GDPD3: variants seen among roughly 807,000 people sequenced by gnomAD.
GDPD3 encodes the protein lysophospholipase D GDPD3.
In GDPD3, 40 loss-of-function variants were observed where a neutral mutation model predicts 43.7. The ratio of observed to expected loss-of-function variants is 0.91; its 90% confidence interval spans 0.71 to 1.19. GDPD3 has a LOEUF of 1.19. GDPD3 is among the 50% of genes most tolerant of loss of function. The pLI, the probability that GDPD3 is intolerant of heterozygous loss-of-function variation, is 0.00. For missense variants in GDPD3, 363 were observed against 415.8 expected, an observed-to-expected ratio of 0.87 and a Z score of 1.11; for synonymous variants, 145 against 162.9, an observed-to-expected ratio of 0.89 and a Z score of 0.84.
chr16:30,108,536 AC>A, intron 7 of GDPD3, 104 bp from the exon 8 acceptor site: 4 of 971,776 alleles, frequency 4.1e-6, no homozygotes, highest in East Asian at 2.4e-5. Context: ...CTGCCCTCCC[AC>A]CCCCCAGAAT....
rs1283003497 is a variant in GDPD3 at position 30,112,871 on chromosome 16, ATG to A, written c.183-80_183-79del. ...CATGGTGGCTGGGAGGTGGCCGGGA[ATG>A]TGAGAGCGGAGTTCGTGGCGGGATG... On this transcript the variant is annotated intron_variant, in intron 2 of 9. Coordinates refer to ENST00000406256, the MANE Select transcript of GDPD3 (RefSeq NM_024307.3). This position sits in a 1 kb window ranked among gnomAD's most constrained non-coding sequence, Gnocchi z 5.4. 4.1e-5 allele frequency: 64 copies of A among 1,553,662 alleles called. No homozygotes were observed. Among genetic ancestry groups the A allele is most frequent in the Non-Finnish European group, 5.1e-5 (58 of 1,132,288 alleles).
intron 7 of GDPD3, among the ~76,000 whole-genome samples, chr16:30,110,137 T>C (rs1313276767): frequency 6.6e-6 from 1 of 151,946 alleles, no homozygotes; most frequent in East Asian, 1.9e-4. Context: ...GTTAAAACAC[T>C]TTATAAATCT....
Position 30,113,537 on chromosome 16 carries a change from T to C in GDPD3, c.-59A>G. ...CGCTCAGCCGTCCGCGGGACTGTGC[T>C]GCCTGCCTAGCCAGTGTGGGCCGGC... On this transcript the variant is annotated 5_prime_UTR_variant, in exon 1 of 10. Coordinates refer to ENST00000406256, the MANE Select transcript of GDPD3 (RefSeq NM_024307.3). This position sits in a 1 kb window ranked among gnomAD's most constrained non-coding sequence, Gnocchi z 5.9. The C allele has an allele frequency of 7.6e-6, 11 of 1,455,252 alleles. No homozygotes were observed. Among genetic ancestry groups the C allele is most frequent in the South Asian group, 2.9e-5 (2 of 68,000 alleles). 90.1% of individuals were successfully genotyped at this position (1,455,252 alleles called of 1,614,324 possible). A position where few individuals can be genotyped will look rare whatever the true frequency, so the allele number is the denominator to read the frequency against.
At chr16:30,108,162 G>C (rs755274517) in intron 9 of GDPD3, 51 bp downstream of exon 9, 66 of 1,502,174 alleles carry the variant, frequency 4.4e-5, no homozygotes, top group Non-Finnish European at 5.9e-5. Context: ...AGTGGGACCG[G>C]AACCCTGCTG....
intron 9 of GDPD3, among the ~76,000 whole-genome samples, chr16:30,106,427 C>G (rs1037523372): frequency 1.1e-4 from 17 of 152,160 alleles, no homozygotes; most frequent in African/African-American, 3.6e-4. Flanking sequence ...AACAGCACCA[C>G]CCTCCCCCAA....
In GDPD3 at chr16:30,112,971, A is replaced by C; in HGVS notation, c.182+51T>G. The C allele has an allele frequency of 6.4e-7, 1 of 1,571,096 alleles. No individual in the cohort carries two copies. On this transcript the variant is annotated intron_variant, in intron 2 of 9. Transcript: ENST00000406256. This position sits in a 1 kb window ranked among gnomAD's most constrained non-coding sequence, Gnocchi z 5.4. ...GGCGTCCCTTGCTGTGATGCAGTCC[A>C]CGACCTGCACACCCTCACATGGCAG...
rs759303636 is a variant in GDPD3 at position 30,105,023 on chromosome 16, G to A, written c.820-14C>T. 1.3e-6 allele frequency: 2 copies of A among 1,590,892 alleles called. No individual in the cohort carries two copies. Among genetic ancestry groups the A allele is most frequent in the Non-Finnish European group, 1.7e-6 (2 of 1,168,806 alleles). ...CCAAAAGACCACCTGAGCAGGGAGG[G>A]AGGGGGCCTGTAGATTCTGAACAAT... On this transcript the variant is annotated splice_polypyrimidine_tract_variant and intron_variant, in intron 9 of 9. Coordinates refer to ENST00000406256, the MANE Select transcript of GDPD3 (RefSeq NM_024307.3).
chr16:30,112,975 C>G lies in GDPD3; in HGVS notation c.182+47G>C. 1 of 1,579,128 alleles carries G rather than the reference C, an allele frequency of 6.3e-7. No individual in the cohort carries two copies. Among genetic ancestry groups the G allele is most frequent in the Non-Finnish European group, 8.7e-7 (1 of 1,149,432 alleles). On this transcript the variant is annotated intron_variant, in intron 2 of 9. Coordinates refer to ENST00000406256, the MANE Select transcript of GDPD3 (RefSeq NM_024307.3). The surrounding 1 kb of genome is among the most constrained non-coding windows in gnomAD (Gnocchi z 5.4). ...TCCCTTGCTGTGATGCAGTCCACGA[C>G]CTGCACACCCTCACATGGCAGCCTG...
chr16:30,107,092 C>T (rs778605263), intron 9 of GDPD3, among the ~76,000 whole-genome samples: 3 of 151,410 alleles, frequency 2.0e-5, no homozygotes, highest in Admixed American at 1.3e-4. Flanking sequence ...CTGGCTCTCA[C>T]GCTCTTTCCT....
chr16:30,112,110 G>T lies in GDPD3; in HGVS notation c.573+22C>A. ...GGGCCCCTGGAGGAGGAAGAGGACG[G>T]GGGAGGGGTGGGGGGACTCACGGCA... On this transcript the variant is annotated intron_variant, in intron 6 of 9. Coordinates refer to ENST00000406256, the MANE Select transcript of GDPD3 (RefSeq NM_024307.3). This position sits in a 1 kb window ranked among gnomAD's most constrained non-coding sequence, Gnocchi z 5.4. 1.3e-6 allele frequency: 2 copies of T among 1,599,428 alleles called. No homozygotes were observed. The highest frequency in any genetic ancestry group is 1.7e-6 in the Non-Finnish European group (2 of 1,167,500).
intron 7 of GDPD3, among the ~76,000 whole-genome samples, chr16:30,109,208 C>T (rs1035499437): frequency 2.6e-5 from 4 of 152,198 alleles, no homozygotes; most frequent in African/African-American, 4.8e-5. Context: ...GCAATCCTCC[C>T]GCTTCAGCCT....
intron 7 of GDPD3, among the ~76,000 whole-genome samples, chr16:30,109,889 A>C (rs1567351000): frequency 6.6e-6 from 1 of 152,188 alleles, no homozygotes; most frequent in Non-Finnish European, 1.5e-5. Context: ...ACCAGACAGC[A>C]CTTAGTGGGA....
At position 30,112,791 on chromosome 16, in the gene GDPD3, GAGCTGTGGGGGTGAAGGTC is replaced by G. The variant is rs928667830; in HGVS notation, c.183-17_184del. The G allele has an allele frequency of 1.1e-5, 18 of 1,607,734 alleles. No individual in the cohort carries two copies. In the Admixed American group the frequency reaches 1.5e-4, roughly 13 times the overall value. On this transcript the variant is annotated splice_acceptor_variant and splice_polypyrimidine_tract_variant and coding_sequence_variant and intron_variant, in exon 3 of 10. Coordinates refer to ENST00000406256, the MANE Select transcript of GDPD3 (RefSeq NM_024307.3). LOFTEE classifies it high-confidence loss of function. The surrounding 1 kb of genome is among the most constrained non-coding windows in gnomAD (Gnocchi z 5.4). ...CAGGAGGTCCGAGCGCTGGGCCATG[GAGCTGTGGGGGTGAAGGTC>G]AGCGGGGGGCAGGGGCAGGGGACTG...
chr16:30,109,706 G>A (rs1228145421), intron 7 of GDPD3, among the ~76,000 whole-genome samples: 1 of 152,092 alleles, frequency 6.6e-6, no homozygotes, highest in African/African-American at 2.4e-5. Context: ...TTGGGAGGCT[G>A]AAGCAGGAGA....
chr16:30,104,981 G>A lies in GDPD3; in HGVS notation c.848C>T (p.Ser283Leu), dbSNP rs146436529. Residue 283 changes from serine to leucine, a missense_variant, in exon 10 of 10, where the codon TCG becomes TTG. By Grantham distance (145) the Ser-to-Leu change is moderately radical. Transcript: ENST00000406256. The stretch of plus-strand genomic sequence containing the variant: ...CACGCTGAAGGCTGCTTCAAAATCC[G>A]ACTCTTCATTAAGGCACCAAAAGAC... ...QVVFWCLNEE[S>L]DFEAAFSVGA... is the part of the protein sequence containing the mutation. 151 of 1,611,724 alleles carry A rather than the reference G, an allele frequency of 9.4e-5. 2 individuals are homozygous for A. The African/African-American group carries it at 1.2e-3, about 13-fold the overall frequency.
In GDPD3 at chr16:30,111,382, T is replaced by C. The variant is rs201369109; in HGVS notation, c.707+6A>G. On this transcript the variant is annotated splice_donor_region_variant and intron_variant, in intron 7 of 9. Transcript: ENST00000406256. Reference sequence around the variant, plus strand: ...AGTTTTTCTGAGGTCCGCCCCCCACTGGTACCTGTTGATGATGTTGGGCAG... The same window carrying C: ...AGTTTTTCTGAGGTCCGCCCCCCACCGGTACCTGTTGATGATGTTGGGCAG... 4.5e-5 allele frequency: 72 copies of C among 1,613,484 alleles called. No individual in the cohort carries two copies. Among genetic ancestry groups the C allele is most frequent in the Non-Finnish European group, 3.2e-5 (38 of 1,179,786 alleles).
At chr16:30,108,520 G>A (rs2072876395) in intron 7 of GDPD3, 88 bp from the exon 8 acceptor site, 3 of 1,196,528 alleles carry the variant, frequency 2.5e-6, no homozygotes, top group Non-Finnish European at 3.7e-6. Context: ...GCCAACTAGG[G>A]TAGCGCTGCC....
intron 7 of GDPD3, 68 bp downstream of exon 7, chr16:30,111,320 C>T (rs1316673019): frequency 1.5e-5 from 24 of 1,554,204 alleles, no homozygotes; most frequent in Non-Finnish European, 2.1e-5. Context: ...CTGGGAAGAT[C>T]TGGGCTCCTT....
intron 6 of GDPD3, 29 bp from the exon 7 acceptor site, chr16:30,111,550 C>A: frequency 6.2e-7 from 1 of 1,611,970 alleles, no homozygotes; most frequent in East Asian, 2.2e-5. Context: ...GCATGAGAAT[C>A]TGTCTGCTCT....
Sources: gnomAD v4.1 joint callset for allele counts (sites outside exome capture counted in the v4.1 genomes callset) on GRCh38, gnomAD v4.1.1 for gene constraint, Gnocchi (gnomAD v3.1) non-coding constraint, MANE v1.5 for transcripts, NCBI Gene and HGNC (gene_info 2026-07-23, HGNC 2026-07-21) for gene names.